The following CXXC4 variants were observed in gnomAD, a reference collection of about 807,000 sequenced individuals.
CXXC4 encodes CXXC-type zinc finger protein 4.
A neutral mutation model predicts 20.5 loss-of-function variants in CXXC4; 5 were observed. The ratio of observed to expected loss-of-function variants is 0.24; its 90% CI spans 0.13 to 0.51. The LOEUF is 0.51. Among genes scored for constraint, CXXC4 ranks in the 20% least tolerant of loss-of-function variants. CXXC4 has a pLI of 0.97. For missense variants in CXXC4, 419 were observed against 496.4 expected (o/e 0.84, Z 1.48); for synonymous variants, 250 against 216.4 (o/e 1.16, Z -1.36).
At chr4:104,493,055 G>T (rs1450203945) in intron 1 of CXXC4, among the ~76,000 whole-genome samples, 4 of 148,438 alleles carry the variant, frequency 2.7e-5, no homozygotes, top group Non-Finnish European at 3.0e-5. Context: ...AAAAGGGGGG[G>T]GGGCTTTAAC....
intron 2 of CXXC4, among the ~76,000 whole-genome samples, chr4:104,474,234 T>A (rs1340490276): frequency 6.6e-6 from 1 of 152,006 alleles, no homozygotes. Flanking sequence ...TAACCTGTTA[T>A]AAGATGGTTT....
intron 2 of CXXC4, among the ~76,000 whole-genome samples, chr4:104,482,226 A>G (rs1181946712): frequency 6.6e-6 from 1 of 152,176 alleles, no homozygotes; most frequent in Non-Finnish European, 1.5e-5. Flanking sequence ...ACATATTGTC[A>G]CCTGCAGTTT....
At chr4:104,473,662 G>T (rs531347333) in intron 2 of CXXC4, among the ~76,000 whole-genome samples, 1 of 152,048 alleles carries the variant, frequency 6.6e-6, no homozygotes, top group South Asian at 2.1e-4. Flanking sequence ...TAAATCGTAA[G>T]ATGGCTGCTA....
rs532524986 is a variant in CXXC4, at chr4:104,491,307, TGCCGCCGCCGCCGCCGCC to T, written c.478_495del (p.Gly160_Gly165del). 2.2e-4 allele frequency: 352 copies of T among 1,572,922 alleles called. No individual in the cohort carries two copies. Among genetic ancestry groups the T allele is most frequent in the African/African-American group, 6.5e-4 (47 of 72,222 alleles). The stretch of plus-strand genomic sequence containing the variant: ...TTTCGGTGGTGCATGCTGGTCCTGC[TGCCGCCGCCGCCGCCGCC>T]GCCGCCACCGCCGGCGGGGAGGATC... On this transcript the variant is annotated inframe_deletion, in exon 2 of 3. Coordinates refer to ENST00000394767, the MANE Select transcript of CXXC4 (RefSeq NM_025212.4).
Position 104,470,958 on chromosome 4 carries a change from T to C in CXXC4, c.*1364A>G, listed in dbSNP as rs1262547032. On this transcript the variant is annotated 3_prime_UTR_variant, in exon 3 of 3. Coordinates refer to ENST00000394767, the MANE Select transcript of CXXC4 (RefSeq NM_025212.4). ...AAGCATTAGATCCTTTGTGTGTAGG[T>C]TGTGGGGGGAGGGGTATGTCATGCA... The C allele has an allele frequency of 5.3e-5, 8 of 151,818 alleles. No homozygotes were observed. The Middle Eastern group carries it at 0.01, about 194-fold the overall frequency. 9.4% of individuals were successfully genotyped at this position (151,818 alleles called of 1,614,324 possible). A position where few individuals can be genotyped will look rare whatever the true frequency, so the allele number is the denominator to read the frequency against.
Position 104,491,462 on chromosome 4 carries a change from C to A in CXXC4, c.341G>T (p.Gly114Val). 1.1e-6 allele frequency: 1 copy of A among 874,690 alleles called. No homozygotes were observed. Among genetic ancestry groups the A allele is most frequent in the Non-Finnish European group, 1.4e-6 (1 of 709,328 alleles). 54.2% of individuals were successfully genotyped at this position (874,690 alleles called of 1,614,324 possible). A position where few individuals can be genotyped will look rare whatever the true frequency, so the allele number is the denominator to read the frequency against. The change falls in exon 2 of 3, where the codon GGC (glycine) becomes GTC (valine). Residue 114 changes from glycine (G) to valine (V), a missense_variant. Around this residue, in one of 3 missense-constraint regions of CXXC4, gnomAD observed 388 missense variants for 416.0 expected, o/e 0.93. Transcript: ENST00000394767. ...LWGSGGGGGGGGGGGGGGGGG... is the reference protein window; with the variant it reads ...LWGSGGGGGGVGGGGGGGGGG... ...GCCGCCGCCGCCGCCACCCCCCCCG[C>A]CGCCGCCCCCGCCCCCGCCGCTGCC...
At chr4:104,480,864 C>CCCTCCCTTCCTT (rs945580145) in intron 2 of CXXC4, among the ~76,000 whole-genome samples, 1 of 147,002 alleles carries the variant, frequency 6.8e-6, no homozygotes, top group African/African-American at 2.5e-5. Context: ...CTCCCTCCCT[C>CCCTCCCTTCCTT]CCTTCCTTCC....
chr4:104,484,435 T>C (rs568006192), intron 2 of CXXC4, among the ~76,000 whole-genome samples: 1 of 152,148 alleles, frequency 6.6e-6, no homozygotes, highest in Non-Finnish European at 1.5e-5. Flanking sequence ...GTATATTTCC[T>C]GAATATAATT....
chr4:104,473,108 A>C (rs1422062117), intron 2 of CXXC4, among the ~76,000 whole-genome samples: 1 of 150,834 alleles, frequency 6.6e-6, no homozygotes, highest in Non-Finnish European at 1.5e-5. Flanking sequence ...TTCAAAATTC[A>C]GTTAAGTAAT....
chr4:104,473,135 C>CTTAAA (rs201378799), intron 2 of CXXC4, among the ~76,000 whole-genome samples: 7,361 of 145,574 alleles, frequency 0.051, 471 homozygotes, highest in African/African-American at 0.17. Flanking sequence ...TGCAGATTTT[C>CTTAAA]TGACAGAATA....
chr4:104,483,222 T>TA (rs902067196), intron 2 of CXXC4, among the ~76,000 whole-genome samples: 11 of 151,194 alleles, frequency 7.3e-5, no homozygotes, highest in Admixed American at 2.0e-4. Context: ...GTCTAGTCAT[T>TA]AAAAAAAAAT....
At chr4:104,480,700 T>C (rs1362865657) in intron 2 of CXXC4, among the ~76,000 whole-genome samples, 1 of 152,182 alleles carries the variant, frequency 6.6e-6, no homozygotes, top group Non-Finnish European at 1.5e-5. Flanking sequence ...AGACTAACTA[T>C]TGCTTCCCAT....
At chr4:104,483,649 T>C (rs1736609641) in intron 2 of CXXC4, among the ~76,000 whole-genome samples, 1 of 151,994 alleles carries the variant, frequency 6.6e-6, no homozygotes, top group Non-Finnish European at 1.5e-5. Context: ...CTAATATTTG[T>C]TACATATGTT....
chr4:104,492,225 A>T (rs1185515277), intron 1 of CXXC4, among the ~76,000 whole-genome samples, 166 bp from the exon 2 acceptor site: 1 of 15,010 alleles, frequency 6.7e-5, no homozygotes, highest in African/African-American at 2.8e-4. Flanking sequence ...ATCCCCCCCA[A>T]CTCTCCCAAC....
At chr4:104,484,165 T>A (rs1328760787) in intron 2 of CXXC4, among the ~76,000 whole-genome samples, 2 of 152,018 alleles carry the variant, frequency 1.3e-5, no homozygotes, top group Admixed American at 1.3e-4. Context: ...AAAATTGGAC[T>A]GAGAAATTAT....
At chr4:104,479,988 CTT>C (rs1736513269) in intron 2 of CXXC4, among the ~76,000 whole-genome samples, 2 of 151,996 alleles carry the variant, frequency 1.3e-5, no homozygotes, top group Non-Finnish European at 2.9e-5. Context: ...TTTATCAAGT[CTT>C]TATATGTTTC....
Position 104,491,755 on chromosome 4 carries a change from CG to C in CXXC4, c.47del (p.Pro16ArgfsTer14). 6.5e-7 allele frequency: 1 copy of C among 1,532,800 alleles called. No homozygotes were observed. The highest frequency in any genetic ancestry group is 8.8e-7 in the Non-Finnish European group (1 of 1,138,556). The allele number at this position is 1,532,800 out of a possible 1,614,324, so 94.9% of individuals were successfully genotyped here. On this transcript the variant is annotated frameshift_variant, in exon 2 of 3. Coordinates refer to ENST00000394767, the MANE Select transcript of CXXC4 (RefSeq NM_025212.4). LOFTEE classifies it high-confidence loss of function. ...GCAAGTGGCTTTCCTTGGGCAAGCC[CG>C]GGGCCTCCGGGCTCGGCCCGGGCTC... ...CVEPGPSPEA[P>X]GLPKESHLPE...
chr4:104,490,575 G>A (rs1239210179), intron 2 of CXXC4, among the ~76,000 whole-genome samples, 169 bp downstream of exon 2: 2 of 152,326 alleles, frequency 1.3e-5, no homozygotes, highest in Admixed American at 1.3e-4. Context: ...CAGCTGGTGC[G>A]GGTGGTGGAG....
rs1236956680 is a variant in CXXC4, at chr4:104,470,450, T to C, written c.*1872A>G. ...GTCACACTTGATTTTCAAATTGGCATGTGTGCATGCTTTGTCCACCCTCCC... is the reference window on the plus strand; with the variant it reads ...GTCACACTTGATTTTCAAATTGGCACGTGTGCATGCTTTGTCCACCCTCCC... On this transcript the variant is annotated 3_prime_UTR_variant, in exon 3 of 3. Transcript: ENST00000394767. The C allele has an allele frequency of 6.6e-6, 1 of 152,086 alleles. No homozygotes were observed. The highest frequency in any genetic ancestry group is 2.4e-5 in the African/African-American group (1 of 41,448). 9.4% of individuals were successfully genotyped at this position (152,086 alleles called of 1,614,324 possible). A position where few individuals can be genotyped will look rare whatever the true frequency, so the allele number is the denominator to read the frequency against.
Sources: gnomAD v4.1 joint callset for allele counts (sites outside exome capture counted in the v4.1 genomes callset) on GRCh38, gnomAD v4.1.1 for gene constraint, gnomAD v4.1.1 regional missense constraint, MANE v1.5 for transcripts, NCBI Gene and HGNC (gene_info 2026-07-23, HGNC 2026-07-21) for gene names.